TNFRSF9: variants seen among roughly 807,000 people sequenced by gnomAD.
The protein encoded by TNFRSF9 is TNF receptor superfamily member 9.
TNFRSF9 carries 16 observed loss-of-function variants against 28.8 expected under a neutral mutation model. The observed-to-expected ratio is 0.55, with a 90% CI of 0.38 to 0.84. TNFRSF9 has a LOEUF of 0.84. Ranked by LOEUF, TNFRSF9 falls within the 40% of genes least tolerant of loss-of-function variation. The pLI, the probability that TNFRSF9 is intolerant of heterozygous loss-of-function variation, is 0.00. For synonymous variants in TNFRSF9, 131 were observed against 117.0 expected (o/e 1.12, Z -0.77); for missense variants, 303 against 315.0 (o/e 0.96, Z 0.29).
intron 3 of TNFRSF9, 34 bp downstream of exon 3, chr1:7,938,687 C>G (rs1049373384): frequency 6.6e-7 from 1 of 1,514,872 alleles, no homozygotes; most frequent in Non-Finnish European, 9.1e-7. Context: ...TCCCAACTAT[C>G]TTCTAGAAGA....
intron 7 of TNFRSF9, 48 bp downstream of exon 7, chr1:7,933,114 A>G: frequency 6.5e-7 from 1 of 1,547,562 alleles, no homozygotes; most frequent in African/African-American, 1.4e-5. Context: ...TTTCTATTAT[A>G]AAAAGCCTTG....
In TNFRSF9 at chr1:7,920,900, T is replaced by C; in HGVS notation, c.703A>G (p.Thr235Ala). The C allele has an allele frequency of 6.2e-7, 1 of 1,613,950 alleles. No homozygotes were observed. Among genetic ancestry groups the C allele is most frequent in the African/African-American group, 1.3e-5 (1 of 75,012 alleles). ...CAGCTACAGCCATCTTCCTCTTGAG[T>C]AGTTTGTACTGGTCTCATAAATGCT... ...KQPFMRPVQT[T>A]QEEDGCSCRF... The change falls in exon 8 of 8, where the codon ACT (threonine) becomes GCT (alanine). Residue 235 changes from threonine to alanine, a missense_variant. By Grantham distance (58) the Thr-to-Ala change is moderately conservative. Transcript: ENST00000377507.
At chr1:7,924,625 C>G (rs2151412864) in intron 7 of TNFRSF9, among the ~76,000 whole-genome samples, 1 of 152,060 alleles carries the variant, frequency 6.6e-6, no homozygotes, top group South Asian at 2.1e-4. Flanking sequence ...AGACTCCTCT[C>G]AAACAAAAAA....
rs770237463 is a variant in TNFRSF9 at position 7,932,301 on chromosome 1, A to G, written c.679+861T>C. Among the ~76,000 whole-genome samples, 309 of 152,292 alleles carry G rather than the reference A, an allele frequency of 2.0e-3. 1 individual carries two copies. The highest frequency in any genetic ancestry group is 1.1e-3 in the Non-Finnish European group (75 of 68,016). On this transcript the variant is annotated intron_variant, in intron 7 of 7. Coordinates refer to ENST00000377507, the MANE Select transcript of TNFRSF9 (RefSeq NM_001561.6). ...CTTATTAAGTCTTATTAAGCCTGTT[A>G]TGTCTCATCCTAATGTCCATGAAGA... is the stretch of plus-strand genomic sequence containing the variant.
chr1:7,931,644 G>A (rs999964368), intron 7 of TNFRSF9, among the ~76,000 whole-genome samples: 1 of 152,224 alleles, frequency 6.6e-6, no homozygotes, highest in Non-Finnish European at 1.5e-5. Context: ...AGTGGGCAAA[G>A]AGGGCTGTGA....
intron 7 of TNFRSF9, 68 bp from the exon 8 acceptor site, chr1:7,920,991 T>C: frequency 8.9e-7 from 1 of 1,120,922 alleles, no homozygotes; most frequent in South Asian, 1.3e-5. Context: ...TTATTTTCCA[T>C]AAATTATAGC....
At chr1:7,932,790 A>T (rs1639753407) in intron 7 of TNFRSF9, among the ~76,000 whole-genome samples, 1 of 152,012 alleles carries the variant, frequency 6.6e-6, no homozygotes, top group African/African-American at 2.4e-5. Flanking sequence ...CAGCATATTT[A>T]AATCTGTCAT....
rs1264973254 is a variant in TNFRSF9 at position 7,917,561 on chromosome 1, G to C, written c.*3274C>G. The C allele has an allele frequency of 6.6e-6, 1 of 152,122 alleles. No individual in the cohort carries two copies. The highest frequency in any genetic ancestry group is 1.5e-5 in the Non-Finnish European group (1 of 68,022). The allele number at this position is 152,122 out of a possible 1,614,324, so 9.4% of individuals were successfully genotyped here. On this transcript the variant is annotated 3_prime_UTR_variant, in exon 8 of 8. Transcript: ENST00000377507. ...CAGTTCCTGATACATTAGACTTCAA[G>C]ATGAAAGACAAAACTTAAAACTTTT...
chr1:7,928,850 G>C (rs537003098), intron 7 of TNFRSF9, among the ~76,000 whole-genome samples: 1 of 152,220 alleles, frequency 6.6e-6, no homozygotes, highest in East Asian at 1.9e-4. Flanking sequence ...CTGCACTCCA[G>C]CCTGAATGAC....
chr1:7,935,228 T>C, intron 5 of TNFRSF9, 85 bp from the exon 6 acceptor site: 2 of 1,460,582 alleles, frequency 1.4e-6, no homozygotes, highest in Non-Finnish European at 1.9e-6. Flanking sequence ...TTTCACCCAA[T>C]GAAGTAGCCT....
intron 3 of TNFRSF9, 48 bp from the exon 4 acceptor site, chr1:7,938,378 A>G: frequency 6.6e-7 from 1 of 1,504,334 alleles, no homozygotes; most frequent in Non-Finnish European, 8.9e-7. Context: ...TTGACCTCCA[A>G]ATCCAGGAAG....
intron 7 of TNFRSF9, among the ~76,000 whole-genome samples, chr1:7,921,607 G>T (rs543758171): frequency 6.6e-6 from 1 of 152,064 alleles, no homozygotes; most frequent in African/African-American, 2.4e-5. Flanking sequence ...GGTGGAGGTT[G>T]CAGTGAGCTG....
In TNFRSF9 at chr1:7,935,039, G is replaced by T; in HGVS notation, c.518C>A (p.Thr173Asn). The T allele has an allele frequency of 6.2e-7, 1 of 1,614,256 alleles. No homozygotes were observed. Among genetic ancestry groups the T allele is most frequent in the East Asian group, 2.2e-5 (1 of 44,888 alleles). The change falls in exon 6 of 8, where the codon ACC becomes AAC. Residue 173 changes from threonine to asparagine, a missense_variant. Coordinates refer to ENST00000377507, the MANE Select transcript of TNFRSF9 (RefSeq NM_001561.6). ...TGGCTCTCTCGCAGGGGCAGGCGGG[G>T]TCACAGAGGATGCTCCCGGAGAGAG... is the stretch of plus-strand genomic sequence containing the variant. ...ADLSPGASSV[T>N]PPAPAREPGH...
At chr1:7,929,440 T>C (rs1440634335) in intron 7 of TNFRSF9, among the ~76,000 whole-genome samples, 1 of 152,190 alleles carries the variant, frequency 6.6e-6, no homozygotes. Flanking sequence ...GCGCTGGGAT[T>C]ATAGGCATGA....
At position 7,933,306 on chromosome 1, in the gene TNFRSF9, A is replaced by G. The variant is rs1296182047; in HGVS notation, c.545-10T>C. The G allele has an allele frequency of 6.2e-7, 1 of 1,610,722 alleles. No homozygotes were observed. The highest frequency in any genetic ancestry group is 8.5e-7 in the Non-Finnish European group (1 of 1,178,638). On this transcript the variant is annotated splice_polypyrimidine_tract_variant and intron_variant, in intron 6 of 7. Transcript: ENST00000377507. ...ATCTGCGGAGAGTGTCCTGCAAAAC[A>G]CAGCAAAAGGAGAAACGCATGCAGA...
rs1188180262 is a variant in TNFRSF9, at chr1:7,929,157, CCTTTTTTT to C, written c.679+3997_679+4004del. On this transcript the variant is annotated intron_variant, in intron 7 of 7. Coordinates refer to ENST00000377507, the MANE Select transcript of TNFRSF9 (RefSeq NM_001561.6). Reference sequence around the variant, plus strand: ...CTCAGTTTTTCTTTTTTTTCTTTTTCCTTTTTTTTTTTTTTTTTTTTTGAGACAGAGTC... The same window carrying C: ...CTCAGTTTTTCTTTTTTTTCTTTTTCTTTTTTTTTTTTTTGAGACAGAGTC... Among the ~76,000 whole-genome samples the C allele has an allele frequency of 6.6e-4, 43 of 65,444 alleles. 1 individual carries two copies. Among genetic ancestry groups the C allele is most frequent in the Admixed American group, 1.6e-3 (9 of 5,516 alleles). 42.9% of individuals were successfully genotyped at this position (65,444 alleles called of 152,430 possible). A position where few individuals can be genotyped will look rare whatever the true frequency, so the allele number is the denominator to read the frequency against.
In TNFRSF9 at chr1:7,938,178, GA is replaced by G. The variant is rs1160883923; in HGVS notation, c.346+14del. The stretch of plus-strand genomic sequence containing the variant: ...TGTCACAAAACTACACTAGATCAAA[GA>G]AACGCAAACGTACCTTTTTTTGTCA... On this transcript the variant is annotated intron_variant, in intron 4 of 7. Transcript: ENST00000377507. The G allele has an allele frequency of 6.4e-7, 1 of 1,564,002 alleles. No individual in the cohort carries two copies. Among genetic ancestry groups the G allele is most frequent in the South Asian group, 1.2e-5 (1 of 84,292 alleles).
At chr1:7,930,258 G>C (rs1578073624) in intron 7 of TNFRSF9, among the ~76,000 whole-genome samples, 1 of 152,080 alleles carries the variant, frequency 6.6e-6, no homozygotes, top group East Asian at 1.9e-4. Flanking sequence ...GTGAGCCACA[G>C]CGCCCAGCCA....
intron 7 of TNFRSF9, among the ~76,000 whole-genome samples, chr1:7,929,130 T>C (rs1639695313): frequency 6.8e-6 from 1 of 148,108 alleles, no homozygotes; most frequent in South Asian, 2.2e-4. Context: ...TACATAACCC[T>C]CCTCAGTTTT....
Sources: allele counts gnomAD v4.1 joint callset (sites outside exome capture counted in the v4.1 genomes callset), GRCh38; gene constraint gnomAD v4.1.1; transcripts MANE v1.5; gene names NCBI Gene and HGNC (gene_info 2026-07-23, HGNC 2026-07-21).